The following MAGI2 variants were observed in gnomAD, a reference collection of about 807,000 sequenced individuals.
The protein encoded by MAGI2 is membrane-associated guanylate kinase, WW and PDZ domain-containing protein 2.
MAGI2 carries 35 observed loss-of-function variants against 133.3 expected under a neutral mutation model. The ratio of observed to expected loss-of-function variants is 0.26; its 90% CI spans 0.20 to 0.35. The LOEUF is 0.35. Among genes scored for constraint, MAGI2 ranks in the 10% least tolerant of loss-of-function variants. MAGI2 has a pLI of 1.00. For synonymous variants in MAGI2, 729 were observed against 710.6 expected (o/e 1.03, Z -0.41); for missense variants, 1,636 against 1,863.4 (o/e 0.88, Z 2.25).
intron 11 of MAGI2, among the ~76,000 whole-genome samples, chr7:78,196,285 C>T (rs113592638): frequency 2.0e-5 from 3 of 152,200 alleles, no homozygotes; most frequent in African/African-American, 7.2e-5. Context: ...CACTTCCTCA[C>T]ATCCAACTGT....
At chr7:78,858,431 C>G (rs2151494636) in intron 2 of MAGI2, among the ~76,000 whole-genome samples, 1 of 152,294 alleles carries the variant, frequency 6.6e-6, no homozygotes, top group South Asian at 2.1e-4. Flanking sequence ...AAATGTGTCC[C>G]ATAGATTCTG....
At chr7:78,495,061 G>C (rs1179705120) in intron 5 of MAGI2, among the ~76,000 whole-genome samples, 1 of 152,174 alleles carries the variant, frequency 6.6e-6, no homozygotes, top group Non-Finnish European at 1.5e-5. Context: ...TAGTAGTAGT[G>C]ATATAAGTTC....
intron 2 of MAGI2, among the ~76,000 whole-genome samples, chr7:78,715,891 C>T (rs11768116): frequency 0.43 from 65,224 of 151,580 alleles, 14,402 homozygotes; most frequent in Middle Eastern, 0.49. Context: ...AGCCATAACA[C>T]TCGGAATTTT....
rs371411040 is a variant in MAGI2, at chr7:78,367,806, G to A, written c.1103+1350C>T. 2.0e-5 allele frequency among the ~76,000 whole-genome samples: 3 copies of A among 152,168 alleles called. No individual in the cohort carries two copies. The East Asian group carries it at 5.8e-4, about 29-fold the overall frequency. ...CTAGCATTTATTTGAAATATTTAGTGTTATATTTATTTAGGGACCGTAACT... is the reference window on the plus strand; with the variant it reads ...CTAGCATTTATTTGAAATATTTAGTATTATATTTATTTAGGGACCGTAACT... On this transcript the variant is annotated intron_variant, in intron 7 of 21. Coordinates refer to ENST00000354212, the MANE Select transcript of MAGI2 (RefSeq NM_012301.4).
chr7:78,689,682 C>CTTTTTTTTTTTTTTTTTT (rs200333526), intron 2 of MAGI2, among the ~76,000 whole-genome samples: 4 of 92,018 alleles, frequency 4.3e-5, no homozygotes, highest in Admixed American at 2.8e-4. Context: ...TTGGATCTGG[C>CTTTTTTTTTTTTTTTTTT]TTTTTTTTTT....
intron 1 of MAGI2, among the ~76,000 whole-genome samples, chr7:79,024,157 T>TA (rs527666214): frequency 2.2e-4 from 33 of 151,966 alleles, no homozygotes; most frequent in African/African-American, 7.5e-4. Flanking sequence ...TGGAACAAAA[T>TA]AGAGAGACTA....
At chr7:79,017,258 A>T (rs1808832623) in intron 1 of MAGI2, among the ~76,000 whole-genome samples, 1 of 152,204 alleles carries the variant, frequency 6.6e-6, no homozygotes, top group African/African-American at 2.4e-5. Context: ...TCCAGGGGCC[A>T]CAGAATAAAG....
chr7:79,378,948 ATATATATATATATATATATATATT>A (rs1272513610), intron 1 of MAGI2, among the ~76,000 whole-genome samples: 1 of 61,922 alleles, frequency 1.6e-5, no homozygotes, highest in African/African-American at 8.3e-5. Flanking sequence ...ATATATATAT[ATATATATATATATATATATATATT>A]AAACTTTAAG....
At chr7:78,187,342 G>T (rs964885520) in intron 12 of MAGI2, among the ~76,000 whole-genome samples, 1 of 151,894 alleles carries the variant, frequency 6.6e-6, no homozygotes, top group Non-Finnish European at 1.5e-5. Context: ...AATCATATGC[G>T]ATTATTCCTT....
rs998037247 is a variant in MAGI2, at chr7:78,404,462, A to T, written c.1046-35249T>A. Among the ~76,000 whole-genome samples, 13 of 152,198 alleles carry T rather than the reference A, an allele frequency of 8.5e-5. 1 individual carries two copies. The highest frequency in any genetic ancestry group is 2.2e-4 in the African/African-American group (9 of 41,454). On this transcript the variant is annotated intron_variant, in intron 6 of 21. Coordinates refer to ENST00000354212, the MANE Select transcript of MAGI2 (RefSeq NM_012301.4). ...ACCAAAACAGCGTGGTACTGGTACC[A>T]AAACAGACATATAGACCAATGGAAC...
chr7:79,443,427 C>G (rs1426733670), intron 1 of MAGI2, among the ~76,000 whole-genome samples: 3 of 151,486 alleles, frequency 2.0e-5, no homozygotes, highest in Non-Finnish European at 2.9e-5. Flanking sequence ...CAAAACAAAA[C>G]AAAAGAAAAA....
At chr7:78,847,992 T>C (rs1389997011) in intron 2 of MAGI2, among the ~76,000 whole-genome samples, 1 of 151,828 alleles carries the variant, frequency 6.6e-6, no homozygotes, top group African/African-American at 2.4e-5. Flanking sequence ...GACTCCAGAA[T>C]CTCAAATTAT....
intron 1 of MAGI2, among the ~76,000 whole-genome samples, chr7:79,017,105 C>T (rs764582705): frequency 3.3e-5 from 5 of 152,316 alleles, no homozygotes; most frequent in South Asian, 4.1e-4. Flanking sequence ...GCAGCACTGC[C>T]GCTGCTGCTG....
chr7:78,815,840 C>T (rs1327906092), intron 2 of MAGI2, among the ~76,000 whole-genome samples: 5 of 152,080 alleles, frequency 3.3e-5, no homozygotes, highest in Admixed American at 3.3e-4. Flanking sequence ...TAAGACTTAA[C>T]AATATTGAAG....
chr7:78,439,224 T>A (rs910986300), intron 6 of MAGI2, among the ~76,000 whole-genome samples: 2 of 152,200 alleles, frequency 1.3e-5, no homozygotes, highest in African/African-American at 4.8e-5. Context: ...GAAGCTTGAA[T>A]GTTGCCCGAG....
intron 2 of MAGI2, among the ~76,000 whole-genome samples, chr7:78,644,106 G>T (rs950478416): frequency 6.6e-6 from 1 of 151,872 alleles, no homozygotes; most frequent in South Asian, 2.1e-4. Flanking sequence ...AAATAATAAA[G>T]GAGTCAATTC....
intron 3 of MAGI2, among the ~76,000 whole-genome samples, chr7:78,526,810 C>A (rs1248125494): frequency 6.6e-6 from 1 of 151,686 alleles, no homozygotes; most frequent in Non-Finnish European, 1.5e-5. Context: ...GAGATAGAGA[C>A]CATCCTGGCC....
chr7:78,351,004 A>C (rs1280278271), intron 7 of MAGI2, among the ~76,000 whole-genome samples: 1 of 151,204 alleles, frequency 6.6e-6, no homozygotes, highest in Non-Finnish European at 1.5e-5. Flanking sequence ...ATTTAGAAAT[A>C]ATCAATGTGG....
chr7:78,909,037 T>A (rs557724985), intron 2 of MAGI2, among the ~76,000 whole-genome samples: 1 of 150,302 alleles, frequency 6.7e-6, no homozygotes, highest in Non-Finnish European at 1.5e-5. Flanking sequence ...ACCTACAGAA[T>A]GGGAGAACAT....
Sources: gnomAD v4.1 joint callset for allele counts (sites outside exome capture counted in the v4.1 genomes callset) on GRCh38, gnomAD v4.1.1 for gene constraint, MANE v1.5 for transcripts, NCBI Gene and HGNC (gene_info 2026-07-23, HGNC 2026-07-21) for gene names.